The following CDC14B variants were observed in gnomAD, a reference collection of about 807,000 sequenced individuals.
CDC14B encodes dual specificity protein phosphatase CDC14B.
A neutral mutation model predicts 64.2 loss-of-function variants in CDC14B; 22 were observed. The ratio of observed to expected loss-of-function variants is 0.34; its 90% CI spans 0.24 to 0.49. The LOEUF is 0.49. Among genes scored for constraint, CDC14B ranks in the 20% least tolerant of loss-of-function variants. The probability of loss-of-function intolerance (pLI) is 0.99; values close to 1 mark genes in which losing one functional copy is unlikely to be tolerated. For synonymous variants in CDC14B, 191 were observed against 215.8 expected, an observed-to-expected ratio of 0.89 and a Z score of 1.01; for missense variants, 498 against 629.9, an observed-to-expected ratio of 0.79 and a Z score of 2.24.
chr9:96,564,578 A>G (rs1843660808), intron 3 of CDC14B, among the ~76,000 whole-genome samples, 199 bp downstream of exon 3: 1 of 152,214 alleles, frequency 6.6e-6, no homozygotes, highest in Admixed American at 6.5e-5. Flanking sequence ...AACGACCCAA[A>G]CTTAAACTGT....
intron 9 of CDC14B, among the ~76,000 whole-genome samples, chr9:96,529,489 C>CATTTTTT (rs1564255829): frequency 6.9e-6 from 1 of 145,156 alleles, no homozygotes; most frequent in African/African-American, 2.7e-5. Context: ...TTGTACTAAG[C>CATTTTTT]CTTTTTTTTT....
intron 9 of CDC14B, among the ~76,000 whole-genome samples, chr9:96,531,924 A>G (rs1488143873): frequency 6.6e-6 from 1 of 151,994 alleles, no homozygotes; most frequent in African/African-American, 2.4e-5. Context: ...CTCCCCCTTT[A>G]GAGTTTCTTG....
In CDC14B at chr9:96,518,992, C is replaced by T. The variant is rs1049036153; in HGVS notation, c.1343+3514G>A. Reference sequence around the variant, plus strand: ...TCTACTAAAAATACAAAAATTTAGCCGGGCGTGGTGGTGGGCGCCTGTATT... The same window carrying T: ...TCTACTAAAAATACAAAAATTTAGCTGGGCGTGGTGGTGGGCGCCTGTATT... On this transcript the variant is annotated intron_variant, in intron 12 of 13. Coordinates refer to ENST00000375241, the MANE Select transcript of CDC14B (RefSeq NM_033331.4). 1.7e-4 allele frequency among the ~76,000 whole-genome samples: 26 copies of T among 151,564 alleles called. No homozygotes were observed. In the East Asian group the frequency reaches 3.1e-3, roughly 18 times the overall value.
intron 4 of CDC14B, among the ~76,000 whole-genome samples, 193 bp from the exon 5 acceptor site, chr9:96,552,065 T>C (rs1056599691): frequency 6.6e-6 from 1 of 152,228 alleles, no homozygotes; most frequent in East Asian, 1.9e-4. Context: ...CTGGTTTCTG[T>C]TGTTTGCAGT....
At chr9:96,614,443 A>C (rs1180611556) in intron 1 of CDC14B, among the ~76,000 whole-genome samples, 2 of 152,122 alleles carry the variant, frequency 1.3e-5, no homozygotes, top group African/African-American at 4.8e-5. Context: ...TTGGCCTCCC[A>C]AAGTGCTGAG....
chr9:96,617,412 T>C (rs1439551508), intron 1 of CDC14B, among the ~76,000 whole-genome samples: 1 of 151,990 alleles, frequency 6.6e-6, no homozygotes, highest in African/African-American at 2.4e-5. Flanking sequence ...TCTAAATAGG[T>C]TAAAAAACAT....
intron 1 of CDC14B, among the ~76,000 whole-genome samples, chr9:96,575,105 C>T (rs1480439626): frequency 6.6e-6 from 1 of 152,196 alleles, no homozygotes; most frequent in African/African-American, 2.4e-5. Flanking sequence ...CTTGCCGGTG[C>T]TACATGTCCT....
intron 9 of CDC14B, among the ~76,000 whole-genome samples, chr9:96,533,435 CT>C (rs1040626686): frequency 5.3e-5 from 8 of 152,164 alleles, no homozygotes; most frequent in Non-Finnish European, 1.0e-4. Context: ...GCTTGCTGAG[CT>C]TTTTTTCCAA....
chr9:96,545,366 T>A (rs762974111), intron 5 of CDC14B, among the ~76,000 whole-genome samples: 1 of 142,772 alleles, frequency 7.0e-6, no homozygotes, highest in Non-Finnish European at 1.5e-5. Context: ...CCCCCTGGAG[T>A]GAGTGCAGTG....
intron 6 of CDC14B, among the ~76,000 whole-genome samples, chr9:96,539,764 C>T (rs950079464): frequency 1.3e-5 from 2 of 152,232 alleles, no homozygotes; most frequent in African/African-American, 4.8e-5. Context: ...ATCCTATAGC[C>T]TTACTCTGTG....
chr9:96,618,163 G>A (rs1159683193), intron 1 of CDC14B, among the ~76,000 whole-genome samples: 2 of 152,078 alleles, frequency 1.3e-5, no homozygotes, highest in Non-Finnish European at 2.9e-5. Context: ...TCTCCTAAAC[G>A]TCTGTGTTTG....
intron 4 of CDC14B, among the ~76,000 whole-genome samples, chr9:96,561,463 A>C (rs1001601131): frequency 1.3e-5 from 2 of 151,816 alleles, no homozygotes; most frequent in African/African-American, 4.8e-5. Flanking sequence ...AAAGAACCTA[A>C]AGAGCTCCAA....
At chr9:96,523,957 G>A (rs1166664295) in intron 9 of CDC14B, among the ~76,000 whole-genome samples, 5 of 152,126 alleles carry the variant, frequency 3.3e-5, no homozygotes, top group South Asian at 2.1e-4. Context: ...TTTTTGAGAC[G>A]GAGTCTCACT....
rs1454334250 is a variant in CDC14B, at chr9:96,522,618, A to G, written c.1246-15T>C. 2 of 1,522,642 alleles carry G rather than the reference A, an allele frequency of 1.3e-6. No individual in the cohort carries two copies. The highest frequency in any genetic ancestry group is 4.5e-5 in the East Asian group (2 of 44,462). 94.3% of individuals were successfully genotyped at this position (1,522,642 alleles called of 1,614,324 possible). On this transcript the variant is annotated splice_polypyrimidine_tract_variant and intron_variant, in intron 11 of 13. Transcript: ENST00000375241. ...TCATCACTGTACTGTGTAAGTAAAA[A>G]AACACTGAGCTAATGATTTAAGTTG...
At chr9:96,559,899 A>G (rs1215507029) in intron 4 of CDC14B, among the ~76,000 whole-genome samples, 1 of 152,250 alleles carries the variant, frequency 6.6e-6, no homozygotes, top group East Asian at 1.9e-4. Context: ...TCTGTGGTCC[A>G]AAATACAACC....
chr9:96,523,472 C>T (rs756816436), intron 10 of CDC14B, 52 bp from the exon 11 acceptor site: 7 of 1,602,688 alleles, frequency 4.4e-6, no homozygotes, highest in Non-Finnish European at 5.1e-6. Context: ...GATACATGAA[C>T]AACTTCTTCC....
At chr9:96,607,413 C>CTTTT (rs999912549) in intron 1 of CDC14B, among the ~76,000 whole-genome samples, 10 of 66,342 alleles carry the variant, frequency 1.5e-4, no homozygotes, top group African/African-American at 3.0e-4. Flanking sequence ...AACGTGATGT[C>CTTTT]TTTTTTTTTT....
At chr9:96,494,838 C>G (rs930206939) in intron 13 of CDC14B, among the ~76,000 whole-genome samples, 1 of 144,840 alleles carries the variant, frequency 6.9e-6, no homozygotes, top group African/African-American at 2.6e-5. Flanking sequence ...CCTCCCCTCC[C>G]CTCCCCTTTC....
chr9:96,564,577 A>T (rs527589841), intron 3 of CDC14B, among the ~76,000 whole-genome samples, 200 bp downstream of exon 3: 1 of 152,332 alleles, frequency 6.6e-6, no homozygotes, highest in East Asian at 1.9e-4. Context: ...AAACGACCCA[A>T]ACTTAAACTG....
Sources: allele counts gnomAD v4.1 joint callset (sites outside exome capture counted in the v4.1 genomes callset), GRCh38; gene constraint gnomAD v4.1.1; transcripts MANE v1.5; gene names NCBI Gene and HGNC (gene_info 2026-07-23, HGNC 2026-07-21).